TRIM43B: variants seen among roughly 807,000 people sequenced by gnomAD.
The protein encoded by TRIM43B is tripartite motif containing 43B, also known as tripartite motif-containing protein 43B.
TRIM43B carries 15 observed loss-of-function variants against 27.0 expected under a neutral mutation model. The ratio of observed to expected loss-of-function variants is 0.55; its 90% CI spans 0.37 to 0.85. The LOEUF is 0.85. TRIM43B is among the 40% of genes least tolerant of loss of function. The pLI, the probability that TRIM43B is intolerant of heterozygous loss-of-function variation, is 0.00. For synonymous variants in TRIM43B, 69 were observed against 97.8 expected (o/e 0.71, Z 1.74); for missense variants, 172 against 289.8 (o/e 0.59, Z 2.95).
At chr2:95,481,149 T>C (rs1683514181) in intron 3 of TRIM43B, among the ~76,000 whole-genome samples, 2 of 152,036 alleles carry the variant, frequency 1.3e-5, no homozygotes, top group Non-Finnish European at 2.9e-5. Flanking sequence ...TTTCCTCATG[T>C]TGCATTTTCT....
intron 1 of TRIM43B, among the ~76,000 whole-genome samples, chr2:95,483,554 G>C (rs147517887): frequency 0.046 from 6,708 of 144,462 alleles, 326 homozygotes; most frequent in Middle Eastern, 0.077. Context: ...CACGGTGGCT[G>C]ACGCCTGTAA....
At chr2:95,482,025 C>A (rs1683536430) in intron 2 of TRIM43B, among the ~76,000 whole-genome samples, 1 of 151,326 alleles carries the variant, frequency 6.6e-6, no homozygotes, top group Non-Finnish European at 1.5e-5. Flanking sequence ...TCCAAAATAC[C>A]TTTCTTTGCA....
intron 3 of TRIM43B, among the ~76,000 whole-genome samples, chr2:95,480,927 C>T (rs936960027): frequency 2.0e-5 from 3 of 151,928 alleles, no homozygotes; most frequent in African/African-American, 7.3e-5. Flanking sequence ...GAAGCCATCA[C>T]ACAAAAAGGA....
intron 1 of TRIM43B, among the ~76,000 whole-genome samples, chr2:95,483,199 G>C (rs1254428346): frequency 6.6e-6 from 1 of 152,050 alleles, no homozygotes; most frequent in East Asian, 1.9e-4. Context: ...GCTTGAAAAT[G>C]TTAGAGCAGA....
intron 3 of TRIM43B, among the ~76,000 whole-genome samples, chr2:95,480,929 C>T (rs1324229603): frequency 6.6e-6 from 1 of 151,896 alleles, no homozygotes; most frequent in African/African-American, 2.4e-5. Flanking sequence ...AGCCATCACA[C>T]AAAAAGGATC....
intron 1 of TRIM43B, among the ~76,000 whole-genome samples, chr2:95,484,327 G>A (rs899190003): frequency 3.4e-4 from 52 of 152,076 alleles, no homozygotes; most frequent in African/African-American, 1.2e-3. Context: ...AGCCAAGAGC[G>A]CCGCCGCACT....
intron 1 of TRIM43B, among the ~76,000 whole-genome samples, 171 bp from the exon 2 acceptor site, chr2:95,482,889 A>T (rs2104402307): frequency 1.3e-5 from 2 of 152,290 alleles, no homozygotes; most frequent in East Asian, 3.9e-4. Context: ...ACAAAGAGAC[A>T]TCAATCTCTA....
intron 1 of TRIM43B, among the ~76,000 whole-genome samples, chr2:95,483,913 A>G (rs1352837311): frequency 6.6e-6 from 1 of 151,896 alleles, no homozygotes; most frequent in Non-Finnish European, 1.5e-5. Context: ...AAATACAAAT[A>G]AAAATTAAAA....
intron 1 of TRIM43B, among the ~76,000 whole-genome samples, 168 bp from the exon 2 acceptor site, chr2:95,482,886 G>A (rs1683560902): frequency 1.3e-5 from 2 of 152,150 alleles, no homozygotes; most frequent in Non-Finnish European, 2.9e-5. Context: ...GGCACAAAGA[G>A]ACATCAATCT....
At chr2:95,483,360 A>G (rs1683572622) in intron 1 of TRIM43B, among the ~76,000 whole-genome samples, 1 of 152,136 alleles carries the variant, frequency 6.6e-6, no homozygotes, top group African/African-American at 2.4e-5. Flanking sequence ...ACTTTCTGGC[A>G]TGTTTCCTGT....
At chr2:95,484,690 G>A (rs1327588511) in exon 1 of TRIM43B, 3 of 151,900 alleles carry the variant, frequency 2.0e-5, no homozygotes, top group East Asian at 1.9e-4. Context: ...ACAGTGCAGT[G>A]CTGGTAGCTT....
At chr2:95,481,410 T>A (rs1468947940) in intron 3 of TRIM43B, among the ~76,000 whole-genome samples, 185 bp downstream of exon 3, 1 of 152,180 alleles carries the variant, frequency 6.6e-6, no homozygotes, top group East Asian at 1.9e-4. Flanking sequence ...ATTTTTTACT[T>A]ATCTGAAAAG....
At chr2:95,481,740 C>T in intron 2 of TRIM43B, 50 bp from the exon 3 acceptor site, 2 of 1,582,204 alleles carry the variant, frequency 1.3e-6, no homozygotes, top group Non-Finnish European at 1.7e-6. Flanking sequence ...AAAGATTCCA[C>T]CATCTGAGTG....
intron 1 of TRIM43B, among the ~76,000 whole-genome samples, chr2:95,483,720 C>G (rs893329193): frequency 6.6e-6 from 1 of 151,918 alleles, no homozygotes; most frequent in African/African-American, 2.4e-5. Context: ...CCCAGCTACT[C>G]TGGAGGCGGG....
At chr2:95,482,428 T>A in exon 2 of TRIM43B, 2 of 1,605,154 alleles carry the variant, frequency 1.2e-6, no homozygotes, top group Non-Finnish European at 1.7e-6. Flanking sequence ...TGTTTGCCTA[T>A]GGGTCCCACA....
At chr2:95,480,624 T>A in intron 3 of TRIM43B, 89 bp from the exon 4 acceptor site, 1 of 1,472,828 alleles carries the variant, frequency 6.8e-7, no homozygotes, top group Non-Finnish European at 9.2e-7. Context: ...TTCCTTCTTT[T>A]ATTTTCCATC....
Position 95,484,206 on chromosome 2 carries a change from T to TA in TRIM43B, c.-5+399dup, listed in dbSNP as rs754020634. ...CAACATAATGAAACCCCGTCTCTAC[T>TA]AAAAAAAATACAAAATTTAGATGGG... On this transcript the variant is annotated intron_variant, in intron 1 of 6. Coordinates refer to ENST00000639673, the Ensembl canonical transcript of TRIM43B. Among the ~76,000 whole-genome samples the TA allele has an allele frequency of 1.0e-3, 151 of 150,906 alleles. 1 individual carries two copies. Among genetic ancestry groups the TA allele is most frequent in the Non-Finnish European group, 1.8e-3 (122 of 67,686 alleles).
At chr2:95,484,502 T>C (rs1364116752) in intron 1 of TRIM43B, 104 bp downstream of exon 1, 3 of 152,052 alleles carry the variant, frequency 2.0e-5, no homozygotes, top group African/African-American at 7.2e-5. Flanking sequence ...AATGAGATCA[T>C]TCCATCTAAA....
chr2:95,483,716 T>TACGCCTGTA (rs1349265017), intron 1 of TRIM43B, among the ~76,000 whole-genome samples: 1 of 151,848 alleles, frequency 6.6e-6, no homozygotes, highest in East Asian at 1.9e-4. Flanking sequence ...TAGTCCCAGC[T>TACGCCTGTA]ACTCTGGAGG....
Sources: gnomAD v4.1 joint callset for allele counts (sites outside exome capture counted in the v4.1 genomes callset) on GRCh38, gnomAD v4.1.1 for gene constraint, MANE v1.5 for transcripts, NCBI Gene and HGNC (gene_info 2026-07-23, HGNC 2026-07-21) for gene names.